Variants in CDH18 observed in about 807,000 individuals in gnomAD.
CDH18 encodes cadherin-18.
Under a neutral mutation model 67.9 loss-of-function variants are expected in CDH18, and 31 were observed. The observed-to-expected ratio is 0.46, with a 90% CI of 0.34 to 0.62. The LOEUF (loss-of-function observed/expected upper bound fraction) is 0.62, where lower values mean the gene tolerates loss of function less well. CDH18 is among the 20% of genes least tolerant of loss of function. The probability of loss-of-function intolerance (pLI) is 0.01; values close to 1 mark genes in which losing one functional copy is unlikely to be tolerated. For missense variants in CDH18, 890 were observed against 975.5 expected (o/e 0.91, Z 1.17); for synonymous variants, 362 against 347.2 (o/e 1.04, Z -0.48).
At chr5:19,654,184 G>A (rs1429697731) in intron 5 of CDH18, among the ~76,000 whole-genome samples, 3 of 152,106 alleles carry the variant, frequency 2.0e-5, no homozygotes, top group Non-Finnish European at 4.4e-5. Context: ...TTTAAAAATA[G>A]AATGGGTGCA....
At chr5:19,566,280 C>G (rs1224518360) in intron 8 of CDH18, among the ~76,000 whole-genome samples, 1 of 152,076 alleles carries the variant, frequency 6.6e-6, no homozygotes, top group East Asian at 1.9e-4. Flanking sequence ...TTGGTGGGAA[C>G]GTAAATTAGT....
At position 20,148,251 on chromosome 5, in the gene CDH18, C is replaced by A. The variant is rs1417242938; in HGVS notation, c.-518+107193G>T. Among the ~76,000 whole-genome samples, 6 of 150,862 alleles carry A rather than the reference C, an allele frequency of 4.0e-5. No homozygotes were observed. In the East Asian group the frequency reaches 1.2e-3, roughly 29 times the overall value. ...GGACTACAGACGCCCATCACCATAC[C>A]CGGCTAATTATTTTTATTTTTATTT... On this transcript the variant is annotated intron_variant, in intron 2 of 14. Coordinates refer to the CDH18 transcript ENST00000507958.
At chr5:20,270,630 T>C (rs925856761) in intron 1 of CDH18, among the ~76,000 whole-genome samples, 27 of 152,130 alleles carry the variant, frequency 1.8e-4, no homozygotes, top group African/African-American at 4.8e-4. Context: ...ATCCCATTAC[T>C]GGGTATATAC....
At chr5:20,493,356 TAAAAAAAAAAAAAA>T (rs148292031) in intron 1 of CDH18, among the ~76,000 whole-genome samples, 5 of 47,194 alleles carry the variant, frequency 1.1e-4, no homozygotes, top group Admixed American at 4.2e-4. Context: ...TTCAGAAAAT[TAAAAAAAAAAAAAA>T]AAAAAAAAAA....
chr5:20,446,289 T>C (rs1177370869), intron 1 of CDH18, among the ~76,000 whole-genome samples: 1 of 152,154 alleles, frequency 6.6e-6, no homozygotes, highest in Non-Finnish European at 1.5e-5. Flanking sequence ...CAGGGCAGTC[T>C]TGGGGTTGAA....
intron 2 of CDH18, among the ~76,000 whole-genome samples, chr5:20,064,524 A>G (rs1191144035): frequency 6.6e-6 from 1 of 152,124 alleles, no homozygotes; most frequent in Non-Finnish European, 1.5e-5. Context: ...ATCTCATTTT[A>G]AAATTGCTGT....
chr5:20,341,902 T>A (rs546015183), intron 1 of CDH18, among the ~76,000 whole-genome samples: 1 of 152,144 alleles, frequency 6.6e-6, no homozygotes, highest in African/African-American at 2.4e-5. Flanking sequence ...ATACCTTTGA[T>A]CATATTTGGA....
intron 1 of CDH18, among the ~76,000 whole-genome samples, chr5:20,291,663 G>C (rs1257125342): frequency 6.6e-6 from 1 of 152,016 alleles, no homozygotes. Flanking sequence ...TCTTGTCAGG[G>C]AATAGATTTT....
chr5:19,516,195 A>C (rs1479180271), intron 10 of CDH18, among the ~76,000 whole-genome samples: 1 of 152,136 alleles, frequency 6.6e-6, no homozygotes, highest in Non-Finnish European at 1.5e-5. Context: ...CCCAGGGATG[A>C]AGCTAACTTG....
chr5:19,519,648 G>A (rs1003937909), intron 10 of CDH18, among the ~76,000 whole-genome samples: 6 of 152,140 alleles, frequency 3.9e-5, no homozygotes, highest in East Asian at 1.9e-4. Flanking sequence ...TGACTCACTT[G>A]ATTACATTAC....
chr5:19,774,426 T>TAAAATAAAATAAAATAAAATAAAA (rs146014082), intron 3 of CDH18, among the ~76,000 whole-genome samples: 1 of 139,390 alleles, frequency 7.2e-6, no homozygotes, highest in South Asian at 2.4e-4. Context: ...TAAAATAAAA[T>TAAAATAAAATAAAATAAAATAAAA]TAAAATAAAA....
chr5:19,649,645 T>A (rs774715915), intron 5 of CDH18, among the ~76,000 whole-genome samples: 2 of 152,018 alleles, frequency 1.3e-5, no homozygotes, highest in Non-Finnish European at 2.9e-5. Flanking sequence ...TATATCAAGG[T>A]AAAATATTGG....
At chr5:20,089,477 T>C (rs1745245873) in intron 2 of CDH18, among the ~76,000 whole-genome samples, 1 of 152,190 alleles carries the variant, frequency 6.6e-6, no homozygotes, top group South Asian at 2.1e-4. Flanking sequence ...TTTAAATATA[T>C]TTTGTTTTAG....
chr5:20,428,663 G>A (rs991138983), intron 1 of CDH18, among the ~76,000 whole-genome samples: 9 of 152,080 alleles, frequency 5.9e-5, no homozygotes, highest in South Asian at 4.1e-4. Context: ...GTATCTCGTC[G>A]TGGTTTTGAT....
chr5:20,067,951 C>CTAGGGCTA, intron 2 of CDH18, among the ~76,000 whole-genome samples: 1 of 151,994 alleles, frequency 6.6e-6, no homozygotes, highest in Non-Finnish European at 1.5e-5. Context: ...GAGTTTATTT[C>CTAGGGCTA]TAGGGCTATA....
At chr5:20,243,132 G>GT (rs1244044937) in intron 2 of CDH18, among the ~76,000 whole-genome samples, 1 of 152,072 alleles carries the variant, frequency 6.6e-6, no homozygotes, top group African/African-American at 2.4e-5. Context: ...GGATTCTAAG[G>GT]TCTTCCTGGG....
At chr5:20,310,134 C>G (rs1027704164) in intron 1 of CDH18, among the ~76,000 whole-genome samples, 1 of 152,026 alleles carries the variant, frequency 6.6e-6, no homozygotes, top group African/African-American at 2.4e-5. Context: ...TCAATAAATT[C>G]AATAACTGAA....
chr5:20,238,565 C>A (rs1054192918), intron 2 of CDH18, among the ~76,000 whole-genome samples: 4 of 151,970 alleles, frequency 2.6e-5, no homozygotes, highest in South Asian at 2.1e-4. Context: ...CAAGTTTTGA[C>A]AAAATTGTAC....
intron 10 of CDH18, among the ~76,000 whole-genome samples, chr5:19,508,997 C>T (rs1487720206): frequency 5.3e-5 from 8 of 151,464 alleles, no homozygotes; most frequent in African/African-American, 9.7e-5. Context: ...TCTCAGCCAC[C>T]GAGTAGTTGG....
Sources: allele counts gnomAD v4.1 joint callset (sites outside exome capture counted in the v4.1 genomes callset), GRCh38; gene constraint gnomAD v4.1.1; transcripts MANE v1.5; gene names NCBI Gene and HGNC (gene_info 2026-07-23, HGNC 2026-07-21).